Variants in PBRM1 observed in about 807,000 individuals in gnomAD.
PBRM1 encodes polybromo 1, also known as protein polybromo-1.
In PBRM1, 27 loss-of-function variants were observed where a neutral mutation model predicts 194.5. The observed-to-expected ratio is 0.14, with a 90% CI of 0.10 to 0.19. The LOEUF is 0.19. Among genes scored for constraint, PBRM1 ranks in the 10% least tolerant of loss-of-function variants. The pLI is 1.00. For synonymous variants in PBRM1, 655 were observed against 693.2 expected (o/e 0.94, Z 0.87); for missense variants, 1,466 against 2,077.2 (o/e 0.71, Z 5.72).
At chr3:52,613,172 A>G (rs1470387835) in intron 15 of PBRM1, among the ~76,000 whole-genome samples, 1 of 152,192 alleles carries the variant, frequency 6.6e-6, no homozygotes, top group Admixed American at 6.5e-5. Context: ...ATATCTGCAC[A>G]TATTACAGAT....
rs191373306 is a variant in PBRM1, at chr3:52,585,631, C to T, written c.3387+794G>A. 3.5e-4 allele frequency: 53 copies of T among 152,632 alleles called. No homozygotes were observed. In the East Asian group the frequency reaches 8.7e-3, roughly 25 times the overall value. 9.5% of individuals were successfully genotyped at this position (152,632 alleles called of 1,614,324 possible). ...GCAACCTCTGCCTCCTGGGTTCAAG[C>T]GATTCTCCTGCCTCAGCCTCCCGTT... On this transcript the variant is annotated intron_variant, in intron 20 of 29. Transcript: ENST00000296302.
At chr3:52,565,228 G>C (rs1411131463) in intron 22 of PBRM1, among the ~76,000 whole-genome samples, 1 of 150,478 alleles carries the variant, frequency 6.6e-6, no homozygotes, top group Non-Finnish European at 1.5e-5. Context: ...AAAATGGGCT[G>C]GGTGCAGTGG....
chr3:52,600,522 T>C (rs2093914814), intron 17 of PBRM1, among the ~76,000 whole-genome samples: 1 of 152,230 alleles, frequency 6.6e-6, no homozygotes, highest in Admixed American at 6.5e-5. Flanking sequence ...TTTTAGTTCT[T>C]TTTCATGATG....
At chr3:52,627,211 C>T in intron 13 of PBRM1, 62 bp downstream of exon 14, 4 of 846,842 alleles carry the variant, frequency 4.7e-6, no homozygotes, top group South Asian at 3.1e-5. Context: ...ATATTTTCTT[C>T]ACTTATCTAA....
chr3:52,640,013 T>G (rs1211916370), intron 10 of PBRM1, among the ~76,000 whole-genome samples: 18 of 152,144 alleles, frequency 1.2e-4, no homozygotes. Context: ...AGACTAAGGG[T>G]AGTGTTTTGA....
intron 11 of PBRM1, among the ~76,000 whole-genome samples, chr3:52,632,230 T>C (rs2095641254): frequency 6.6e-6 from 1 of 152,186 alleles, no homozygotes; most frequent in South Asian, 2.1e-4. Flanking sequence ...TTCAGAGATA[T>C]CATACAGAGT....
At chr3:52,563,744 C>T (rs928206470) in intron 23 of PBRM1, among the ~76,000 whole-genome samples, 2 of 150,676 alleles carry the variant, frequency 1.3e-5, no homozygotes, top group African/African-American at 4.9e-5. Flanking sequence ...TGCCTATACA[C>T]AGCAAAAAGA....
chr3:52,657,413 C>T (rs1335845966), intron 5 of PBRM1, among the ~76,000 whole-genome samples: 2 of 151,666 alleles, frequency 1.3e-5, no homozygotes, highest in Non-Finnish European at 2.9e-5. Context: ...AATGATAGAC[C>T]GTATACATTT....
chr3:52,681,714 C>T, upstream of PBRM1: 2 of 1,015,718 alleles, frequency 2.0e-6, no homozygotes, highest in Non-Finnish European at 2.4e-6. Context: ...CAGAGCACAA[C>T]CAGCGCCTCG....
At chr3:52,567,082 A>G (rs2085474867) in intron 22 of PBRM1, among the ~76,000 whole-genome samples, 1 of 151,724 alleles carries the variant, frequency 6.6e-6, no homozygotes, top group African/African-American at 2.4e-5. Flanking sequence ...AAAAAAAAAA[A>G]AAAGGTTAAA....
chr3:52,607,346 G>A (rs1216905051), intron 16 of PBRM1, among the ~76,000 whole-genome samples: 2 of 152,126 alleles, frequency 1.3e-5, no homozygotes, highest in Non-Finnish European at 2.9e-5. Context: ...CTCTGGGCAT[G>A]AGGGTAAAAC....
exon 18 of PBRM1, chr3:52,589,146 G>A (rs1038455064): frequency 2.5e-6 from 4 of 1,612,672 alleles, no homozygotes; most frequent in South Asian, 1.1e-5. Context: ...CCACATAGAC[G>A]TAATCTCCAA....
At chr3:52,576,481 T>A (rs1337108438) in intron 22 of PBRM1, 60 bp downstream of exon 24, 2 of 1,308,314 alleles carry the variant, frequency 1.5e-6, no homozygotes, top group Non-Finnish European at 2.1e-6. Flanking sequence ...CCCACAGAAG[T>A]AGTATTCCAT....
At chr3:52,601,051 T>C (rs1425694179) in intron 17 of PBRM1, among the ~76,000 whole-genome samples, 1 of 152,234 alleles carries the variant, frequency 6.6e-6, no homozygotes, top group African/African-American at 2.4e-5. Context: ...ATTGATATTA[T>C]ATGTGTGTCT....
At chr3:52,546,722 C>T (rs2079729146), downstream of PBRM1, 1 of 232,900 alleles carries the variant, frequency 4.3e-6, no homozygotes, top group Non-Finnish European at 8.5e-6. Flanking sequence ...TACTGTCTGC[C>T]ATCCTATGCT....
At chr3:52,619,862 G>C (rs2095186575) in intron 13 of PBRM1, among the ~76,000 whole-genome samples, 1 of 152,128 alleles carries the variant, frequency 6.6e-6, no homozygotes, top group South Asian at 2.1e-4. Context: ...CAAACAAAGT[G>C]ATTTAATTAG....
intron 25 of PBRM1, among the ~76,000 whole-genome samples, chr3:52,560,159 C>T (rs1442528628): frequency 1.3e-5 from 2 of 152,202 alleles, no homozygotes; most frequent in African/African-American, 4.8e-5. Flanking sequence ...GCCATCACCT[C>T]TCCCTCTCTT....
intron 15 of PBRM1, among the ~76,000 whole-genome samples, chr3:52,613,545 T>C (rs1454662156): frequency 6.6e-6 from 1 of 152,086 alleles, no homozygotes; most frequent in Non-Finnish European, 1.5e-5. Context: ...GGTCTCCCTA[T>C]GTTGCCCAGG....
chr3:52,561,629 T>C, intron 25 of PBRM1, 138 bp downstream of exon 27: 1 of 755,286 alleles, frequency 1.3e-6, no homozygotes, highest in Non-Finnish European at 2.3e-6. Context: ...AAAATACTGG[T>C]TGGGTGCCAT....
Sources: allele counts gnomAD v4.1 joint callset (sites outside exome capture counted in the v4.1 genomes callset), GRCh38; gene constraint gnomAD v4.1.1; transcripts MANE v1.5; gene names NCBI Gene and HGNC (gene_info 2026-07-23, HGNC 2026-07-21).